CARS1: variants seen among roughly 807,000 people sequenced by gnomAD.
The protein encoded by CARS1 is cysteinyl-tRNA synthetase 1, also known as cysteine--tRNA ligase, cytoplasmic.
Under a neutral mutation model 106.2 loss-of-function variants are expected in CARS1, and 48 were observed. The ratio of observed to expected loss-of-function variants is 0.45; its 90% confidence interval spans 0.36 to 0.57. The LOEUF is 0.57. Among genes scored for constraint, CARS1 ranks in the 20% least tolerant of loss-of-function variants. The probability of loss-of-function intolerance (pLI) is 0.00; values close to 1 mark genes in which losing one functional copy is unlikely to be tolerated. For missense variants in CARS1, 968 were observed against 1,057.2 expected (o/e 0.92, Z 1.17); for synonymous variants, 409 against 403.4 (o/e 1.01, Z -0.17).
Position 3,032,248 on chromosome 11 carries a change from T to C in CARS1, c.802-2805A>G, listed in dbSNP as rs574609880. ...ACGCCACGCCCAGCTAATGTTTGCA[T>C]TGTCAGTAGAGACGGGGTTTCACCA... On this transcript the variant is annotated intron_variant, in intron 7 of 22. Transcript: ENST00000380525. Among the ~76,000 whole-genome samples, 26 of 152,096 alleles carry C rather than the reference T, an allele frequency of 1.7e-4. No individual in the cohort carries two copies. The South Asian group carries it at 4.8e-3, about 28-fold the overall frequency.
At position 3,049,942 on chromosome 11, in the gene CARS1, C is replaced by A. The variant is rs79050441; in HGVS notation, c.26-1941G>T. 6.1e-3 allele frequency among the ~76,000 whole-genome samples: 930 copies of A among 152,252 alleles called. 6 individuals carry two copies. Among genetic ancestry groups the A allele is most frequent in the African/African-American group, 0.021 (887 of 41,550 alleles). On this transcript the variant is annotated intron_variant, in intron 1 of 22. Transcript: ENST00000380525. ...TTAGTGTGGGGAAAGCCCTTCGTGT[C>A]AGGCCAATAACTGGCACTTCCCGGA...
rs565476605 is a variant in CARS1, at chr11:3,046,439, C to T, written c.274+1314G>A. On this transcript the variant is annotated intron_variant, in intron 2 of 22. Transcript: ENST00000380525. The surrounding 1 kb of genome is among the most constrained non-coding windows in gnomAD (Gnocchi z 5.8). ...AGCACAGGTGTCACTTGGGTGACCG[C>T]GCTGGAGGCTCAGGCAGGAACGGCT... is the stretch of plus-strand genomic sequence containing the variant. Among the ~76,000 whole-genome samples, 7 of 152,258 alleles carry T rather than the reference C, an allele frequency of 4.6e-5. No homozygotes were observed. The highest frequency in any genetic ancestry group is 1.9e-4 in the East Asian group (1 of 5,150).
Position 3,052,304 on chromosome 11 carries a change from A to C in CARS1, c.26-4303T>G, listed in dbSNP as rs185077073. On this transcript the variant is annotated intron_variant, in intron 1 of 22. Transcript: ENST00000380525. This position sits in a 1 kb window ranked among gnomAD's most constrained non-coding sequence, Gnocchi z 4.6. ...CACGCTCATAACATCAGCCCTGTAA[A>C]GCTGCAGGCCATTAAGTCAAATGAC... Among the ~76,000 whole-genome samples, 4 of 152,324 alleles carry C rather than the reference A, an allele frequency of 2.6e-5. No homozygotes were observed. Among genetic ancestry groups the C allele is most frequent in the Non-Finnish European group, 5.9e-5 (4 of 68,026 alleles).
rs1045822799 is a variant in CARS1, at chr11:3,039,581, C to T, written c.552+254G>A. Reference sequence around the variant, plus strand: ...ATGTCGAAGTGCGTGCTGTGGGAGGCCTTCCTTCTGCAAAACACCCAGGGC... The same window carrying T: ...ATGTCGAAGTGCGTGCTGTGGGAGGTCTTCCTTCTGCAAAACACCCAGGGC... On this transcript the variant is annotated intron_variant, in intron 5 of 22. Transcript: ENST00000380525. The surrounding 1 kb of genome is among the most constrained non-coding windows in gnomAD (Gnocchi z 5.6). Among the ~76,000 whole-genome samples the T allele has an allele frequency of 4.6e-5, 7 of 152,206 alleles. No individual in the cohort carries two copies. The highest frequency in any genetic ancestry group is 1.4e-4 in the African/African-American group (6 of 41,456).
chr11:3,054,175 C>G (rs952803799), intron 1 of CARS1, among the ~76,000 whole-genome samples: 1 of 152,204 alleles, frequency 6.6e-6, no homozygotes, highest in African/African-American at 2.4e-5. Context: ...CTCCCACTCC[C>G]CGTCCTGATC....
chr11:3,051,118 G>A (rs399467), intron 1 of CARS1, among the ~76,000 whole-genome samples: 49,858 of 152,216 alleles, frequency 0.33, 10,255 homozygotes, highest in East Asian at 0.66. Context: ...ACCTGCACAA[G>A]GACCAGTGCT....
chr11:3,018,311 A>G (rs1403866617), intron 14 of CARS1, 97 bp downstream of exon 14: 6 of 777,776 alleles, frequency 7.7e-6, no homozygotes, highest in Non-Finnish European at 1.3e-5. Flanking sequence ...TCCATTAGAG[A>G]CATCGGGAGG....
Position 3,006,958 on chromosome 11 carries a change from G to C in CARS1, c.2070C>G (p.Val690=), listed in dbSNP as rs1849931182. 6.2e-7 allele frequency: 1 copy of C among 1,613,460 alleles called. No individual in the cohort carries two copies. The highest frequency in any genetic ancestry group is 1.3e-5 in the African/African-American group (1 of 74,936). Residue 690 remains valine, a splice_region_variant and synonymous_variant, in exon 19 of 23, where the codon GTC becomes GTG. Coordinates refer to ENST00000380525, the MANE Select transcript of CARS1 (RefSeq NM_001014437.3). ...CATCGCTGAGCTGCAGAATCTCAGG[G>C]ACTGTAGGAGAAGCAGAGCAGTTCC... ...GVRKIAREQK[V]PEILQLSDAL...
rs995750034 is a variant in CARS1, at chr11:3,045,405, T to C, written c.274+2348A>G. 1.3e-5 allele frequency among the ~76,000 whole-genome samples: 2 copies of C among 152,080 alleles called. No homozygotes were observed. The highest frequency in any genetic ancestry group is 2.9e-5 in the Non-Finnish European group (2 of 68,020). On this transcript the variant is annotated intron_variant, in intron 2 of 22. Coordinates refer to ENST00000380525, the MANE Select transcript of CARS1 (RefSeq NM_001014437.3). The surrounding 1 kb of genome is among the most constrained non-coding windows in gnomAD (Gnocchi z 5.6). ...TCAGCCTCCCGAGTAGCTGGGACTA[T>C]AGGCACCCGCCATCACGCCCGGCTA...
chr11:3,031,656 C>T (rs1056760261), intron 7 of CARS1: 1 of 152,180 alleles, frequency 6.6e-6, no homozygotes, highest in Non-Finnish European at 1.5e-5. Context: ...ACCACTGCCC[C>T]CTAAACTGGA....
At chr11:3,036,514 A>G (rs1249690035) in intron 7 of CARS1, among the ~76,000 whole-genome samples, 2 of 152,258 alleles carry the variant, frequency 1.3e-5, no homozygotes. Context: ...GATGAAAAAA[A>G]TGAAGAATAA....
rs897636590 is a variant in CARS1 at position 3,020,914 on chromosome 11, A to C, written c.1154-582T>G. 5.3e-5 allele frequency among the ~76,000 whole-genome samples: 8 copies of C among 152,208 alleles called. No individual in the cohort carries two copies. The highest frequency in any genetic ancestry group is 1.5e-5 in the Non-Finnish European group (1 of 68,040). On this transcript the variant is annotated intron_variant, in intron 10 of 22. Coordinates refer to ENST00000380525, the MANE Select transcript of CARS1 (RefSeq NM_001014437.3). The surrounding 1 kb of genome is among the most constrained non-coding windows in gnomAD (Gnocchi z 4.6). ...TTATAAGGGGAAAATAGGTGAAGGA[A>C]ACTAAAGAATAGTCCAGGAAGGCCA...
intron 20 of CARS1, among the ~76,000 whole-genome samples, chr11:3,002,888 G>A (rs1218521206): frequency 6.6e-6 from 1 of 152,210 alleles, no homozygotes; most frequent in Non-Finnish European, 1.5e-5. Flanking sequence ...AAAAGATCCA[G>A]GCACCACTAA....
At chr11:3,006,424 C>T (rs745953012) in intron 19 of CARS1, among the ~76,000 whole-genome samples, 8 of 152,086 alleles carry the variant, frequency 5.3e-5, no homozygotes, top group Admixed American at 1.3e-4. Context: ...CCGGCCTGGG[C>T]GACAGAGCGA....
At position 3,045,407 on chromosome 11, in the gene CARS1, G is replaced by A. The variant is rs1406770896; in HGVS notation, c.274+2346C>T. Among the ~76,000 whole-genome samples, 1 of 152,118 alleles carries A rather than the reference G, an allele frequency of 6.6e-6. No individual in the cohort carries two copies. The highest frequency in any genetic ancestry group is 1.5e-5 in the Non-Finnish European group (1 of 68,036). ...AGCCTCCCGAGTAGCTGGGACTATA[G>A]GCACCCGCCATCACGCCCGGCTAAT... On this transcript the variant is annotated intron_variant, in intron 2 of 22. Coordinates refer to ENST00000380525, the MANE Select transcript of CARS1 (RefSeq NM_001014437.3). This position sits in a 1 kb window ranked among gnomAD's most constrained non-coding sequence, Gnocchi z 5.6.
In CARS1 at chr11:3,047,544, G is replaced by A. The variant is rs142248713; in HGVS notation, c.274+209C>T. On this transcript the variant is annotated intron_variant, in intron 2 of 22. Transcript: ENST00000380525. ...CCAGTGATGTGAACATACTGCTCCT[G>A]AATAACCAACTCCATAGGGCGTGAT... Among the ~76,000 whole-genome samples, 1,265 of 152,270 alleles carry A rather than the reference G, an allele frequency of 8.3e-3. 10 individuals are homozygous for A. The highest frequency in any genetic ancestry group is 0.014 in the Non-Finnish European group (944 of 68,016).
rs1368415597 is a variant in CARS1 at position 3,028,037 on chromosome 11, T to G, written c.1031+959A>C. ...GCTCCTAGTCCTCCTTCATGTTCCATCCTGTACACCTGGCTCTACCTTCTA... is the reference window on the plus strand; with the variant it reads ...GCTCCTAGTCCTCCTTCATGTTCCAGCCTGTACACCTGGCTCTACCTTCTA... On this transcript the variant is annotated intron_variant, in intron 9 of 22. Coordinates refer to ENST00000380525, the MANE Select transcript of CARS1 (RefSeq NM_001014437.3). The surrounding 1 kb of genome is among the most constrained non-coding windows in gnomAD (Gnocchi z 4.4). The G allele has an allele frequency of 6.3e-6, 2 of 318,104 alleles. No homozygotes were observed. The highest frequency in any genetic ancestry group is 1.3e-5 in the Non-Finnish European group (2 of 158,158). The allele number at this position is 318,104 out of a possible 1,614,324, so 19.7% of individuals were successfully genotyped here. A position where few individuals can be genotyped will look rare whatever the true frequency, so the allele number is the denominator to read the frequency against.
In CARS1 at chr11:3,003,677, G is replaced by T. The variant is rs949041131; in HGVS notation, c.2218-1077C>A. On this transcript the variant is annotated intron_variant, in intron 20 of 22. Transcript: ENST00000380525. The surrounding 1 kb of genome is among the most constrained non-coding windows in gnomAD (Gnocchi z 4.8). ...ATGGAGGGAGAGCAGGGCTGGCCGA[G>T]GGAAAGGGGCTGAGGTGGGGGAGGA... is the stretch of plus-strand genomic sequence containing the variant. Among the ~76,000 whole-genome samples, 7 of 152,168 alleles carry T rather than the reference G, an allele frequency of 4.6e-5. No homozygotes were observed. The highest frequency in any genetic ancestry group is 1.7e-4 in the African/African-American group (7 of 41,448).
rs149365508 is a variant in CARS1 at position 3,031,755 on chromosome 11, G to A, written c.802-2312C>T. Among the ~76,000 whole-genome samples the A allele has an allele frequency of 2.9e-3, 446 of 152,250 alleles. 2 individuals carry two copies. The highest frequency in any genetic ancestry group is 5.0e-3 in the Non-Finnish European group (339 of 68,004). On this transcript the variant is annotated intron_variant, in intron 7 of 22. Transcript: ENST00000380525. ...TCTGTGGGAACCAGTGTTGGGGGAG[G>A]AAAACCAGGACTGTAACAGAGATTG...
Sources: gnomAD v4.1 joint callset for allele counts (sites outside exome capture counted in the v4.1 genomes callset) on GRCh38, gnomAD v4.1.1 for gene constraint, Gnocchi (gnomAD v3.1) non-coding constraint, MANE v1.5 for transcripts, NCBI Gene and HGNC (gene_info 2026-07-23, HGNC 2026-07-21) for gene names.